Variants in CLRN3 observed in about 807,000 individuals in gnomAD.
The protein encoded by CLRN3 is clarin-3.
In CLRN3, 12 loss-of-function variants were observed where a neutral mutation model predicts 16.7. That is an observed-to-expected ratio of 0.72 (90% CI 0.46 to 1.16). The LOEUF is 1.16. Ranked by LOEUF, CLRN3 falls within the 50% of genes most tolerant of loss-of-function variation. The probability of loss-of-function intolerance (pLI) is 0.00; values close to 1 mark genes in which losing one functional copy is unlikely to be tolerated. For missense variants in CLRN3, 296 were observed against 274.2 expected (o/e 1.08, Z -0.56); for synonymous variants, 118 against 113.0 (o/e 1.04, Z -0.28).
At chr10:127,888,945 G>A (rs991489807) in intron 1 of CLRN3, among the ~76,000 whole-genome samples, 9 of 152,106 alleles carry the variant, frequency 5.9e-5, no homozygotes, top group African/African-American at 1.4e-4. Context: ...GCCTCACCCC[G>A]CGGAGATTGC....
At chr10:127,885,849 G>A (rs1334865916) in intron 1 of CLRN3, among the ~76,000 whole-genome samples, 2 of 151,766 alleles carry the variant, frequency 1.3e-5, no homozygotes, top group East Asian at 1.9e-4. Flanking sequence ...TCCGCCTCCC[G>A]GGTTCAAGCA....
At chr10:127,884,472 A>C (rs906306950) in intron 1 of CLRN3, among the ~76,000 whole-genome samples, 1 of 152,212 alleles carries the variant, frequency 6.6e-6, no homozygotes, top group Non-Finnish European at 1.5e-5. Context: ...TGTGGGTCCT[A>C]CTTCAGACTC....
chr10:127,878,139 GA>G lies in CLRN3; in HGVS notation c.*9del. 6.2e-7 allele frequency: 1 copy of G among 1,608,402 alleles called. No homozygotes were observed. Among genetic ancestry groups the G allele is most frequent in the Non-Finnish European group, 8.5e-7 (1 of 1,175,454 alleles). ...AATAGATGCAACGCCAAAATGAGAT[GA>G]AAGAGAATTCAGAATAAAATTCCGT... On this transcript the variant is annotated 3_prime_UTR_variant, in exon 3 of 3. Coordinates refer to ENST00000368671, the MANE Select transcript of CLRN3 (RefSeq NM_152311.5).
At chr10:127,889,303 C>A (rs1845232340) in intron 1 of CLRN3, among the ~76,000 whole-genome samples, 1 of 150,988 alleles carries the variant, frequency 6.6e-6, no homozygotes, top group African/African-American at 2.4e-5. Flanking sequence ...GACTGGGCGA[C>A]AAAGCAAGAC....
intron 1 of CLRN3, among the ~76,000 whole-genome samples, chr10:127,892,221 A>G (rs1845264996): frequency 6.6e-6 from 1 of 152,236 alleles, no homozygotes; most frequent in South Asian, 2.1e-4. Flanking sequence ...AAACCCAGTC[A>G]ATACAGTTAA....
intron 1 of CLRN3, among the ~76,000 whole-genome samples, chr10:127,888,346 C>A (rs767209160): frequency 6.6e-6 from 1 of 152,066 alleles, no homozygotes; most frequent in East Asian, 1.9e-4. Flanking sequence ...GGGAGGGCAC[C>A]CTCTTTGTCC....
chr10:127,880,410 T>G (rs6482992), intron 2 of CLRN3, among the ~76,000 whole-genome samples: 2 of 151,956 alleles, frequency 1.3e-5, no homozygotes, highest in Non-Finnish European at 2.9e-5. Flanking sequence ...TTATAGGGGC[T>G]GGAGGAAGCC....
At chr10:127,892,299 G>C (rs1845265988) in intron 1 of CLRN3, among the ~76,000 whole-genome samples, 1 of 152,140 alleles carries the variant, frequency 6.6e-6, no homozygotes, top group Non-Finnish European at 1.5e-5. Flanking sequence ...TTACTTGTCA[G>C]TCAACTTGGT....
In CLRN3 at chr10:127,892,727, A is replaced by T; in HGVS notation, c.58T>A (p.Ser20Thr). The T allele has an allele frequency of 6.2e-7, 1 of 1,613,878 alleles. No individual in the cohort carries two copies. The highest frequency in any genetic ancestry group is 1.3e-5 in the African/African-American group (1 of 75,046). ...AGAATAGAGCAAATTACAATGAAGGACCCAAGGCTGGTGAAAAAGCTTGAT... is the reference window on the plus strand; with the variant it reads ...AGAATAGAGCAAATTACAATGAAGGTCCCAAGGCTGGTGAAAAAGCTTGAT... ...FLSSFFTSLG[S>T]FIVICSILGT... The change falls in exon 1 of 3, where the codon TCC becomes ACC. Residue 20 changes from serine to threonine, a missense_variant. Transcript: ENST00000368671.
At chr10:127,883,629 G>A (rs1845156108) in intron 2 of CLRN3, 67 bp downstream of exon 2, 1 of 1,121,648 alleles carries the variant, frequency 8.9e-7, no homozygotes, top group Non-Finnish European at 1.4e-6. Flanking sequence ...ATGTGTGAGA[G>A]GCAGAGACAT....
intron 1 of CLRN3, among the ~76,000 whole-genome samples, chr10:127,890,838 G>T (rs1845249706): frequency 6.6e-6 from 1 of 152,186 alleles, no homozygotes; most frequent in Non-Finnish European, 1.5e-5. Context: ...CTGTCTGAGA[G>T]AACTGCTTAC....
intron 1 of CLRN3, 84 bp downstream of exon 1, chr10:127,892,472 T>G (rs1845267780): frequency 6.2e-6 from 5 of 810,516 alleles, no homozygotes; most frequent in Non-Finnish European, 1.0e-5. Flanking sequence ...AAATTATTTT[T>G]GAATGGTTAT....
At chr10:127,881,481 G>T (rs1028010042) in intron 2 of CLRN3, among the ~76,000 whole-genome samples, 2 of 152,154 alleles carry the variant, frequency 1.3e-5, no homozygotes, top group African/African-American at 4.8e-5. Flanking sequence ...CCTGTTGTTC[G>T]GCCGGCGCCA....
At chr10:127,882,697 G>A (rs900439461) in intron 2 of CLRN3, among the ~76,000 whole-genome samples, 1 of 152,146 alleles carries the variant, frequency 6.6e-6, no homozygotes, top group Non-Finnish European at 1.5e-5. Context: ...CCCCTCCTCC[G>A]AGGCTTCCTG....
intron 2 of CLRN3, among the ~76,000 whole-genome samples, chr10:127,879,130 G>C (rs1230335820): frequency 6.6e-6 from 1 of 152,044 alleles, no homozygotes. Flanking sequence ...TTTGTTTTGA[G>C]ATGGGGTCTC....
At chr10:127,885,903 G>T (rs1250544390) in intron 1 of CLRN3, among the ~76,000 whole-genome samples, 1 of 152,006 alleles carries the variant, frequency 6.6e-6, no homozygotes, top group East Asian at 1.9e-4. Context: ...TTACAGGCAT[G>T]CACCACCATG....
At chr10:127,885,112 A>G (rs1237428796) in intron 1 of CLRN3, among the ~76,000 whole-genome samples, 2 of 152,196 alleles carry the variant, frequency 1.3e-5, no homozygotes, top group African/African-American at 4.8e-5. Context: ...CGAAAAGGCC[A>G]GGTAGGATCT....
In CLRN3 at chr10:127,877,947, C is replaced by T. The variant is rs908968538; in HGVS notation, c.*202G>A. ...CTGCTTTGAATACCACACAGACCAGCGACATTTCCCATTCATTTCCCCAAC... is the reference window on the plus strand; with the variant it reads ...CTGCTTTGAATACCACACAGACCAGTGACATTTCCCATTCATTTCCCCAAC... On this transcript the variant is annotated 3_prime_UTR_variant, in exon 3 of 3. Transcript: ENST00000368671. The T allele has an allele frequency of 2.5e-5, 15 of 599,294 alleles. No individual in the cohort carries two copies. Among genetic ancestry groups the T allele is most frequent in the Middle Eastern group, 4.6e-4 (1 of 2,156 alleles). 37.1% of individuals were successfully genotyped at this position (599,294 alleles called of 1,614,324 possible).
intron 2 of CLRN3, among the ~76,000 whole-genome samples, chr10:127,880,264 C>T (rs986993034): frequency 2.6e-5 from 4 of 152,004 alleles, no homozygotes; most frequent in African/African-American, 2.4e-5. Context: ...TTTTCCAGAG[C>T]GGGCTGCCTA....
Sources: gnomAD v4.1 joint callset for allele counts (sites outside exome capture counted in the v4.1 genomes callset) on GRCh38, gnomAD v4.1.1 for gene constraint, MANE v1.5 for transcripts, NCBI Gene and HGNC (gene_info 2026-07-23, HGNC 2026-07-21) for gene names.